The following TMEM45A variants were observed in gnomAD, a reference collection of about 807,000 sequenced individuals.
TMEM45A encodes transmembrane protein 45A, also known as DNA polymerase-transactivated protein 4.
TMEM45A carries 25 observed loss-of-function variants against 32.0 expected under a neutral mutation model. That is an observed-to-expected ratio of 0.78 (90% CI 0.57 to 1.09). The LOEUF is 1.09. Ranked by LOEUF, TMEM45A falls within the 50% of genes least tolerant of loss-of-function variation. TMEM45A has a pLI of 0.00. For missense variants in TMEM45A, 302 were observed against 325.0 expected (o/e 0.93, Z 0.54); for synonymous variants, 122 against 114.8 (o/e 1.06, Z -0.40).
intron 1 of TMEM45A, among the ~76,000 whole-genome samples, chr3:100,514,664 C>G (rs1292149815): frequency 2.6e-5 from 4 of 152,062 alleles, no homozygotes; most frequent in Non-Finnish European, 5.9e-5. Flanking sequence ...CACAGCAAAA[C>G]AAACTACCAT....
chr3:100,506,616 A>G (rs1401970002), intron 1 of TMEM45A, among the ~76,000 whole-genome samples: 1 of 152,088 alleles, frequency 6.6e-6, no homozygotes, highest in African/African-American at 2.4e-5. Flanking sequence ...TTCCTCTTTC[A>G]TGTCTATGAG....
chr3:100,513,746 T>G (rs1708209438), intron 1 of TMEM45A, among the ~76,000 whole-genome samples: 1 of 152,092 alleles, frequency 6.6e-6, no homozygotes, highest in African/African-American at 2.4e-5. Flanking sequence ...CAGCCCAAAA[T>G]CTCCATAAGC....
At position 100,568,820 on chromosome 3, in the gene TMEM45A, A is replaced by C; in HGVS notation, c.589-2A>C. On this transcript the variant is annotated splice_acceptor_variant, in intron 4 of 5. Transcript: ENST00000323523. LOFTEE classifies it high-confidence loss of function. ...ATATATGCTTTTTGTTCTAAATTAC[A>C]GATTGGATTTGTCCTGTATCCCCCC... 1 of 1,592,922 alleles carries C rather than the reference A, an allele frequency of 6.3e-7. No homozygotes were observed. The highest frequency in any genetic ancestry group is 8.6e-7 in the Non-Finnish European group (1 of 1,166,276).
intron 1 of TMEM45A, among the ~76,000 whole-genome samples, chr3:100,496,470 G>T (rs115386662): frequency 1.3e-5 from 2 of 152,172 alleles, no homozygotes; most frequent in Non-Finnish European, 2.9e-5. Context: ...TTTGTAGCCC[G>T]AGCCTTACCC....
intron 5 of TMEM45A, among the ~76,000 whole-genome samples, chr3:100,575,154 ATT>A (rs1363974311): frequency 6.6e-6 from 1 of 152,154 alleles, no homozygotes; most frequent in Non-Finnish European, 1.5e-5. Context: ...ATTCCTATGT[ATT>A]TCTGGGAGTT....
rs140522655 is a variant in TMEM45A at position 100,562,523 on chromosome 3, A to T, written c.588+3934A>T. Among the ~76,000 whole-genome samples, 578 of 152,324 alleles carry T rather than the reference A, an allele frequency of 3.8e-3. 4 individuals are homozygous for T. Among genetic ancestry groups the T allele is most frequent in the Non-Finnish European group, 6.8e-3 (463 of 68,022 alleles). ...GGGGCTCCAAGTTTCTCTTCTCCTGATGTAAACAGCAAAAAGTTTGGTAGA... is the reference window on the plus strand; with the variant it reads ...GGGGCTCCAAGTTTCTCTTCTCCTGTTGTAAACAGCAAAAAGTTTGGTAGA... On this transcript the variant is annotated intron_variant, in intron 4 of 5. Coordinates refer to ENST00000323523, the MANE Select transcript of TMEM45A (RefSeq NM_018004.3).
At chr3:100,495,076 T>G (rs1325484062) in intron 1 of TMEM45A, among the ~76,000 whole-genome samples, 6 of 152,230 alleles carry the variant, frequency 3.9e-5, no homozygotes, top group African/African-American at 1.2e-4. Context: ...CACATCAGTT[T>G]CCCCAGCTGC....
At chr3:100,516,288 A>C (rs955751461) in intron 1 of TMEM45A, among the ~76,000 whole-genome samples, 6 of 152,194 alleles carry the variant, frequency 3.9e-5, no homozygotes, top group Admixed American at 2.0e-4. Context: ...AACTTGATAT[A>C]ATCTAATTGA....
At chr3:100,551,280 T>C (rs1490523084) in intron 1 of TMEM45A, among the ~76,000 whole-genome samples, 3 of 152,150 alleles carry the variant, frequency 2.0e-5, no homozygotes, top group Non-Finnish European at 2.9e-5. Flanking sequence ...CCCAAAGTGC[T>C]GGGATTACAG....
At chr3:100,560,946 C>A (rs1706319744) in intron 4 of TMEM45A, among the ~76,000 whole-genome samples, 1 of 152,106 alleles carries the variant, frequency 6.6e-6, no homozygotes, top group Non-Finnish European at 1.5e-5. Context: ...AAAAGCTTTT[C>A]TAAGGAAGAG....
At chr3:100,518,563 T>C (rs983326065) in intron 1 of TMEM45A, among the ~76,000 whole-genome samples, 2 of 152,222 alleles carry the variant, frequency 1.3e-5, no homozygotes, top group Non-Finnish European at 2.9e-5. Context: ...ATTTATTTCA[T>C]ATGTGCACTC....
At chr3:100,567,931 C>T (rs138618061) in intron 4 of TMEM45A, among the ~76,000 whole-genome samples, 2,401 of 152,114 alleles carry the variant, frequency 0.016, 28 homozygotes, top group Middle Eastern at 0.058. Context: ...ACTACAGGTG[C>T]CTGCCACCAT....
At chr3:100,536,058 G>T (rs56083064) in intron 1 of TMEM45A, among the ~76,000 whole-genome samples, 18 of 152,230 alleles carry the variant, frequency 1.2e-4, no homozygotes, top group African/African-American at 4.3e-4. Flanking sequence ...AATATCCATA[G>T]ATATTTTTGG....
intron 4 of TMEM45A, among the ~76,000 whole-genome samples, chr3:100,560,111 T>G (rs1027249792): frequency 6.6e-6 from 1 of 152,194 alleles, no homozygotes. Context: ...TTATATATTC[T>G]ATATTCCTAA....
chr3:100,551,861 C>T (rs927251993), intron 1 of TMEM45A, among the ~76,000 whole-genome samples: 1 of 152,164 alleles, frequency 6.6e-6, no homozygotes, highest in African/African-American at 2.4e-5. Context: ...AAGGAGGACT[C>T]CTTTCTTTCC....
At position 100,520,166 on chromosome 3, in the gene TMEM45A, AATGTGTTACAGGG is replaced by A. The variant is rs1354255018; in HGVS notation, c.-4+27239_-4+27251del. On this transcript the variant is annotated intron_variant, in intron 1 of 5. Transcript: ENST00000323523. ...AGTAATTATGGGTATATTAAAAGGG[AATGTGTTACAGGG>A]TAAATAAAGCAGGAAAAGAGGGTAG... Among the ~76,000 whole-genome samples the A allele has an allele frequency of 3.9e-5, 6 of 152,290 alleles. No individual in the cohort carries two copies. The South Asian group carries it at 6.2e-4, about 16-fold the overall frequency.
rs533088580 is a variant in TMEM45A at position 100,511,989 on chromosome 3, C to T, written c.-4+19061C>T. Among the ~76,000 whole-genome samples, 479 of 151,940 alleles carry T rather than the reference C, an allele frequency of 3.2e-3. 2 individuals are homozygous for T. The highest frequency in any genetic ancestry group is 0.011 in the African/African-American group (444 of 41,416). Reference sequence around the variant, plus strand: ...ATTCATAAAGCAAATCCTGAGTGACCTACAAAGAGACTTAGACTCCCACAC... The same window carrying T: ...ATTCATAAAGCAAATCCTGAGTGACTTACAAAGAGACTTAGACTCCCACAC... On this transcript the variant is annotated intron_variant, in intron 1 of 5. Transcript: ENST00000323523.
intron 1 of TMEM45A, among the ~76,000 whole-genome samples, chr3:100,536,725 T>C (rs748377499): frequency 5.5e-4 from 83 of 152,200 alleles, no homozygotes; most frequent in Admixed American, 1.2e-3. Context: ...ACAGTCTTCC[T>C]CAGGTTAAAA....
intron 5 of TMEM45A, 103 bp downstream of exon 5, chr3:100,569,070 AT>A: frequency 8.3e-7 from 1 of 1,211,714 alleles, no homozygotes; most frequent in Non-Finnish European, 1.2e-6. Context: ...TTCATTCCTT[AT>A]CATCCCATAA....
Sources: gnomAD v4.1 joint callset for allele counts (sites outside exome capture counted in the v4.1 genomes callset) on GRCh38, gnomAD v4.1.1 for gene constraint, MANE v1.5 for transcripts, NCBI Gene and HGNC (gene_info 2026-07-23, HGNC 2026-07-21) for gene names.